Variants in PLCL2 observed in about 807,000 individuals in gnomAD.
PLCL2 encodes phospholipase C like 2, also known as inactive phospholipase C-like protein 2.
In PLCL2, 4 loss-of-function variants were observed where a neutral mutation model predicts 79.6. The ratio of observed to expected loss-of-function variants is 0.05; its 90% CI spans 0.02 to 0.11. PLCL2 has a LOEUF of 0.11. PLCL2 is among the 10% of genes least tolerant of loss of function. PLCL2 has a pLI of 1.00. For synonymous variants in PLCL2, 484 were observed against 457.7 expected, an observed-to-expected ratio of 1.06 and a Z score of -0.73; for missense variants, 895 against 1,291.0, an observed-to-expected ratio of 0.69 and a Z score of 4.70.
At chr3:17,017,788 A>G (rs535170902) in intron 3 of PLCL2, among the ~76,000 whole-genome samples, 61 of 152,330 alleles carry the variant, frequency 4.0e-4, no homozygotes, top group African/African-American at 1.2e-3. Flanking sequence ...ATGTGTATTT[A>G]TGCTATCAAG....
At chr3:16,995,223 G>T (rs570097680) in intron 1 of PLCL2, among the ~76,000 whole-genome samples, 1 of 152,216 alleles carries the variant, frequency 6.6e-6, no homozygotes, top group Non-Finnish European at 1.5e-5. Context: ...TTTATTTAGG[G>T]TGTTAAGGCA....
chr3:17,040,579 A>G (rs949927804), intron 3 of PLCL2, among the ~76,000 whole-genome samples: 8 of 152,144 alleles, frequency 5.3e-5, no homozygotes, highest in African/African-American at 1.7e-4. Flanking sequence ...CAGCCGTGAC[A>G]GCTGCCGCTT....
intron 3 of PLCL2, among the ~76,000 whole-genome samples, chr3:17,025,227 A>G (rs557754781): frequency 2.0e-5 from 3 of 152,314 alleles, no homozygotes; most frequent in Non-Finnish European, 4.4e-5. Flanking sequence ...TGTTCTTGAT[A>G]TCCTTCCTTG....
chr3:16,961,747 G>A (rs2063756347), intron 1 of PLCL2, among the ~76,000 whole-genome samples: 1 of 152,164 alleles, frequency 6.6e-6, no homozygotes, highest in Non-Finnish European at 1.5e-5. Flanking sequence ...CAGGCTCATT[G>A]AATGAGAATG....
intron 1 of PLCL2, among the ~76,000 whole-genome samples, chr3:16,900,067 A>G (rs1220085738): frequency 6.6e-6 from 1 of 152,092 alleles, no homozygotes; most frequent in Non-Finnish European, 1.5e-5. Flanking sequence ...AGTTTTCAGC[A>G]CTCTGAACTT....
chr3:16,890,705 A>G (rs1696326256), intron 1 of PLCL2, among the ~76,000 whole-genome samples: 1 of 152,226 alleles, frequency 6.6e-6, no homozygotes, highest in African/African-American at 2.4e-5. Flanking sequence ...AGTGGACCAC[A>G]GGATCTGCGA....
At chr3:17,016,876 A>G (rs989671745) in intron 3 of PLCL2, among the ~76,000 whole-genome samples, 3 of 152,212 alleles carry the variant, frequency 2.0e-5, no homozygotes, top group Admixed American at 6.5e-5. Flanking sequence ...CTTGATTTCT[A>G]TGACAGTCAT....
rs1284498418 is a variant in PLCL2, at chr3:17,010,224, T to G, written c.878T>G (p.Val293Gly). ...GGACATATAACTCTGTGTAATGCTG[T>G]GCAATGTATCAGAAACCTCAATCCT... Reference protein sequence around the residue: ...NLGHITLCNAVQCIRNLNPGL... With the variant: ...NLGHITLCNAGQCIRNLNPGL... The change falls in exon 2 of 6, where the codon GTG (valine) becomes GGG (glycine). Residue 293 changes from valine (V) to glycine (G), a missense_variant. Transcript: ENST00000615277. The surrounding 1 kb of genome is among the most constrained non-coding windows in gnomAD (Gnocchi z 5.8). 6.2e-7 allele frequency: 1 copy of G among 1,613,910 alleles called. No homozygotes were observed. The highest frequency in any genetic ancestry group is 1.3e-5 in the African/African-American group (1 of 74,934).
chr3:17,065,200 T>C (rs2064996971), intron 4 of PLCL2, among the ~76,000 whole-genome samples: 1 of 152,190 alleles, frequency 6.6e-6, no homozygotes, highest in Non-Finnish European at 1.5e-5. Flanking sequence ...GGGAGTGGTC[T>C]TGTCTCATTT....
intron 2 of PLCL2, among the ~76,000 whole-genome samples, chr3:17,013,113 G>T (rs556097956): frequency 1.3e-5 from 2 of 152,286 alleles, no homozygotes; most frequent in East Asian, 3.9e-4. Flanking sequence ...ACAGACATAT[G>T]AAGGGCTTTT....
intron 4 of PLCL2, among the ~76,000 whole-genome samples, chr3:17,059,444 G>C (rs986330978): frequency 2.2e-5 from 1 of 46,124 alleles, no homozygotes; most frequent in Non-Finnish European, 4.0e-5. Context: ...ATATATATGT[G>C]TGTGTGTGTA....
intron 5 of PLCL2, among the ~76,000 whole-genome samples, chr3:17,085,692 G>T (rs560354016): frequency 1.4e-5 from 2 of 146,058 alleles, no homozygotes; most frequent in African/African-American, 5.1e-5. Context: ...CTCATGATCC[G>T]CCCGCCTCGG....
At chr3:16,979,853 T>A (rs1162191574) in intron 1 of PLCL2, among the ~76,000 whole-genome samples, 2 of 150,170 alleles carry the variant, frequency 1.3e-5, no homozygotes, top group South Asian at 4.3e-4. Context: ...AGCTGTTGGG[T>A]ACACCTCCCA....
chr3:16,973,815 G>T (rs2063897725), intron 1 of PLCL2, among the ~76,000 whole-genome samples: 1 of 152,088 alleles, frequency 6.6e-6, no homozygotes, highest in Non-Finnish European at 1.5e-5. Flanking sequence ...TTGCTCTCAA[G>T]GAGCTTATAA....
intron 3 of PLCL2, among the ~76,000 whole-genome samples, chr3:17,031,210 G>A (rs2064577515): frequency 6.6e-6 from 1 of 152,136 alleles, no homozygotes; most frequent in African/African-American, 2.4e-5. Context: ...CTCCATTCAG[G>A]ATGTAGCGTC....
intron 1 of PLCL2, among the ~76,000 whole-genome samples, chr3:16,929,757 C>T (rs1011136144): frequency 6.6e-6 from 1 of 152,198 alleles, no homozygotes; most frequent in African/African-American, 2.4e-5. Context: ...AAGGAGAATT[C>T]TCTCTGTATC....
intron 1 of PLCL2, among the ~76,000 whole-genome samples, chr3:16,905,961 C>T (rs914012318): frequency 6.6e-6 from 1 of 152,134 alleles, no homozygotes; most frequent in African/African-American, 2.4e-5. Context: ...CAAGAATAAT[C>T]CAGATCCACC....
intron 1 of PLCL2, among the ~76,000 whole-genome samples, chr3:16,908,505 C>T (rs751130894): frequency 6.6e-6 from 1 of 152,090 alleles, no homozygotes; most frequent in African/African-American, 2.4e-5. Flanking sequence ...TGTCTGTGGG[C>T]AGGAGGATAT....
At position 16,886,500 on chromosome 3, in the gene PLCL2, T is replaced by C. The variant is rs900029933; in HGVS notation, c.327+1134T>C. 2.0e-5 allele frequency among the ~76,000 whole-genome samples: 3 copies of C among 152,240 alleles called. No homozygotes were observed. Among genetic ancestry groups the C allele is most frequent in the African/African-American group, 7.2e-5 (3 of 41,464 alleles). On this transcript the variant is annotated intron_variant, in intron 1 of 5. Transcript: ENST00000615277. The surrounding 1 kb of genome is among the most constrained non-coding windows in gnomAD (Gnocchi z 4.2). ...ACTGTGAAAATGTCTGATGGTGTTA[T>C]CAACTTATGCAGTAATCTAGTGAAA... is the stretch of plus-strand genomic sequence containing the variant.
Sources: allele counts gnomAD v4.1 joint callset (sites outside exome capture counted in the v4.1 genomes callset), GRCh38; gene constraint gnomAD v4.1.1; non-coding constraint Gnocchi (gnomAD v3.1); transcripts MANE v1.5; gene names NCBI Gene and HGNC (gene_info 2026-07-23, HGNC 2026-07-21).